Variants in CCDC9 observed in about 807,000 individuals in gnomAD.
CCDC9 encodes coiled-coil domain-containing protein 9.
In CCDC9, 52 loss-of-function variants were observed where a neutral mutation model predicts 65.6. The ratio of observed to expected loss-of-function variants is 0.79; its 90% CI spans 0.63 to 1.00. CCDC9 has a LOEUF of 1.00. Ranked by LOEUF, CCDC9 falls within the 50% of genes least tolerant of loss-of-function variation. The probability of loss-of-function intolerance (pLI) is 0.00; values close to 1 mark genes in which losing one functional copy is unlikely to be tolerated. For missense variants in CCDC9, 834 were observed against 757.2 expected (o/e 1.10, Z -1.19); for synonymous variants, 332 against 280.3 (o/e 1.18, Z -1.84).
intron 3 of CCDC9, among the ~76,000 whole-genome samples, chr19:47,259,233 A>G (rs1398124692): frequency 6.6e-6 from 1 of 152,122 alleles, no homozygotes; most frequent in Non-Finnish European, 1.5e-5. Flanking sequence ...GAGAGAATTG[A>G]CCTGGGCAGG....
rs185554506 is a variant in CCDC9 at position 47,271,689 on chromosome 19, C to G, written c.*11C>G. ...TTTGAGAGTGTATGAAGCTGGCTGCCTGTGTGTGTGTGTGTGTGTGTGTGT... is the reference window on the plus strand; with the variant it reads ...TTTGAGAGTGTATGAAGCTGGCTGCGTGTGTGTGTGTGTGTGTGTGTGTGT... On this transcript the variant is annotated 3_prime_UTR_variant, in exon 12 of 12. Transcript: ENST00000221922. 2.4e-3 allele frequency: 2,700 copies of G among 1,127,534 alleles called. 10 individuals carry two copies. Among genetic ancestry groups the G allele is most frequent in the African/African-American group, 5.8e-3 (341 of 58,844 alleles). The allele number at this position is 1,127,534 out of a possible 1,614,324, so 69.8% of individuals were successfully genotyped here. A position where few individuals can be genotyped will look rare whatever the true frequency, so the allele number is the denominator to read the frequency against.
Position 47,270,647 on chromosome 19 carries a change from G to C in CCDC9, c.1044G>C (p.Lys348Asn), listed in dbSNP as rs779744692. The change falls in exon 10 of 12, where the codon AAG (lysine) becomes AAC (asparagine). Residue 348 changes from lysine to asparagine, a missense_variant. By Grantham distance (94) the Lys-to-Asn change is moderately conservative. Transcript: ENST00000221922. ...AGGCCAGCAGCCGCAGAAGGAGAAAGAGCAGTCGGCCCCAGGCCAAGGCAG... is the reference window on the plus strand; with the variant it reads ...AGGCCAGCAGCCGCAGAAGGAGAAACAGCAGTCGGCCCCAGGCCAAGGCAG... ...KAEASSRRRRKSSRPQAKAAP... is the reference protein window; with the variant it reads ...KAEASSRRRRNSSRPQAKAAP... The C allele has an allele frequency of 1.2e-6, 2 of 1,612,556 alleles. No individual in the cohort carries two copies. The highest frequency in any genetic ancestry group is 1.7e-6 in the Non-Finnish European group (2 of 1,179,998).
At position 47,258,581 on chromosome 19, in the gene CCDC9, CAAAG is replaced by C. The variant is rs777386353; in HGVS notation, c.27_30del (p.Lys10ArgfsTer157). On this transcript the variant is annotated frameshift_variant, in exon 3 of 12. Transcript: ENST00000221922. LOFTEE classifies it high-confidence loss of function. ...CAGGCAGCCACACTCGATTTGAAAT[CAAAG>C]GAGGAGAAGGATGCTGAGTTGGACA... The C allele has an allele frequency of 1.9e-6, 3 of 1,614,038 alleles. No homozygotes were observed. Among genetic ancestry groups the C allele is most frequent in the Non-Finnish European group, 2.5e-6 (3 of 1,179,962 alleles).
rs2059126676 is a variant in CCDC9, at chr19:47,271,895, C to T, written c.*217C>T. The T allele has an allele frequency of 5.3e-6, 7 of 1,323,246 alleles. No homozygotes were observed. Among genetic ancestry groups the T allele is most frequent in the Admixed American group, 3.4e-5 (1 of 29,178 alleles). 82.0% of individuals were successfully genotyped at this position (1,323,246 alleles called of 1,614,324 possible). ...CATGCCCGTCTCTGGAATGTCCACT[C>T]CCAGAGCCTGCCCCAGCCCTTCGAG... On this transcript the variant is annotated 3_prime_UTR_variant, in exon 12 of 12. Coordinates refer to ENST00000221922, the MANE Select transcript of CCDC9 (RefSeq NM_015603.3).
Position 47,271,078 on chromosome 19 carries a change from C to G in CCDC9, c.1086-4C>G, listed in dbSNP as rs1348296106. ...GGCATCACCCCTCCCTCTGTTCCCT[C>G]TAGTGACCATGATGACCGCTGGGAG... On this transcript the variant is annotated splice_polypyrimidine_tract_variant and splice_region_variant and intron_variant, in intron 10 of 11. Coordinates refer to ENST00000221922, the MANE Select transcript of CCDC9 (RefSeq NM_015603.3). The G allele has an allele frequency of 6.5e-7, 1 of 1,544,922 alleles. No individual in the cohort carries two copies. The highest frequency in any genetic ancestry group is 1.2e-5 in the South Asian group (1 of 83,258).
intron 8 of CCDC9, among the ~76,000 whole-genome samples, chr19:47,267,023 G>A (rs1273992115): frequency 6.6e-6 from 1 of 151,542 alleles, no homozygotes; most frequent in Admixed American, 6.6e-5. Flanking sequence ...GGAGTGCAGT[G>A]GCGTGATCTC....
intron 10 of CCDC9, 100 bp downstream of exon 10, chr19:47,270,788 C>A: frequency 7.5e-7 from 1 of 1,333,414 alleles, no homozygotes; most frequent in Non-Finnish European, 1.0e-6. Flanking sequence ...CTGTCTGTCC[C>A]TGTCTTTGTC....
At chr19:47,275,188 C>G, downstream of CCDC9, 3 of 1,480,400 alleles carry the variant, frequency 2.0e-6, no homozygotes, top group Non-Finnish European at 2.7e-6. Flanking sequence ...GCGCCCGCCG[C>G]TGCCTCCCTC....
rs2059024864 is a variant in CCDC9 at position 47,258,408 on chromosome 19, G to A, written c.3+5G>A. On this transcript the variant is annotated splice_donor_5th_base_variant and intron_variant, in intron 2 of 11. Transcript: ENST00000221922. ...CTCCACGCAGCCAGCGAAATGGTGA[G>A]GCTGAAAAATGGGGTCTCTAGAATC... 4 of 1,613,978 alleles carry A rather than the reference G, an allele frequency of 2.5e-6. No homozygotes were observed. The highest frequency in any genetic ancestry group is 2.7e-5 in the African/African-American group (2 of 74,894).
At chr19:47,261,894 G>A (rs1445648336) in intron 5 of CCDC9, among the ~76,000 whole-genome samples, 1 of 146,246 alleles carries the variant, frequency 6.8e-6, no homozygotes, top group Non-Finnish European at 1.5e-5. Context: ...GGTGGCACAC[G>A]CCTGTAATCC....
chr19:47,258,076 G>C (rs1052358826), intron 1 of CCDC9: 3 of 445,334 alleles, frequency 6.7e-6, no homozygotes, highest in Admixed American at 4.0e-5. Flanking sequence ...GTGGGGGCCA[G>C]AACATCCCCA....
rs1227626008 is a variant in CCDC9 at position 47,256,567 on chromosome 19, C to A, written c.-114C>A. On this transcript the variant is annotated 5_prime_UTR_variant, in exon 1 of 12. Transcript: ENST00000221922. ...GCCCGGGAGCTGCGGTCGCAGAGGC[C>A]GACGGAGCCGGAGTCGCGGACGCCG... The A allele has an allele frequency of 6.6e-6, 1 of 152,460 alleles. No individual in the cohort carries two copies. Among genetic ancestry groups the A allele is most frequent in the Admixed American group, 6.5e-5 (1 of 15,274 alleles). The allele number at this position is 152,460 out of a possible 1,614,324, so 9.4% of individuals were successfully genotyped here.
rs988423771 is a variant in CCDC9 at position 47,264,870 on chromosome 19, A to G, written c.644A>G (p.Glu215Gly). The G allele has an allele frequency of 6.7e-7, 1 of 1,493,016 alleles. No homozygotes were observed. The highest frequency in any genetic ancestry group is 8.9e-7 in the Non-Finnish European group (1 of 1,123,374). The allele number at this position is 1,493,016 out of a possible 1,614,324, so 92.5% of individuals were successfully genotyped here. A position where few individuals can be genotyped will look rare whatever the true frequency, so the allele number is the denominator to read the frequency against. The change falls in exon 7 of 12, where the codon GAG (glutamate) becomes GGG (glycine). Residue 215 changes from glutamate to glycine, a missense_variant. Physicochemically the swap from Glu to Gly is moderately conservative, Grantham distance 98. Transcript: ENST00000221922. ...LEESERDRRE[E>G]SRRHGRNWGG... ...GAGTCTGAGCGGGACCGCCGGGAGG[A>G]GAGCCGCCGGCACGGCCGCAACTGG...
chr19:47,262,492 C>T (rs2059052572), intron 5 of CCDC9, among the ~76,000 whole-genome samples: 1 of 151,462 alleles, frequency 6.6e-6, no homozygotes, highest in African/African-American at 2.4e-5. Context: ...GCTGCGATGA[C>T]ATGTGTGAGC....
chr19:47,258,925 C>T (rs2059028419), intron 3 of CCDC9, among the ~76,000 whole-genome samples: 1 of 152,200 alleles, frequency 6.6e-6, no homozygotes, highest in African/African-American at 2.4e-5. Flanking sequence ...CCCAGGCCTG[C>T]CCCCTCCAGG....
chr19:47,266,939 C>T (rs2059086158), intron 8 of CCDC9, 147 bp downstream of exon 8: 2 of 936,456 alleles, frequency 2.1e-6, no homozygotes, highest in Admixed American at 5.9e-5. Context: ...GCTGCTGGAG[C>T]TCAGCGGCAC....
chr19:47,264,813 A>G lies in CCDC9; in HGVS notation c.587A>G (p.Asp196Gly). 1 of 1,573,738 alleles carries G rather than the reference A, an allele frequency of 6.4e-7. No homozygotes were observed. Among genetic ancestry groups the G allele is most frequent in the Non-Finnish European group, 8.6e-7 (1 of 1,157,742 alleles). Residue 196 changes from aspartate (D) to glycine (G), a missense_variant, in exon 7 of 12, where the codon GAC becomes GGC. Coordinates refer to ENST00000221922, the MANE Select transcript of CCDC9 (RefSeq NM_015603.3). ...LEPNPVRNFL[D>G]DPRRRSGPLE... is the part of the protein sequence containing the mutation. ...CCCAACCCAGTGCGGAACTTCCTGG[A>G]CGACCCCCGGCGACGCAGCGGGCCC...
rs372553632 is a variant in CCDC9, at chr19:47,268,751, A to C, written c.903-1656A>C. Among the ~76,000 whole-genome samples, 113 of 151,778 alleles carry C rather than the reference A, an allele frequency of 7.4e-4. 1 individual carries two copies. The highest frequency in any genetic ancestry group is 2.7e-3 in the African/African-American group (110 of 41,338). On this transcript the variant is annotated intron_variant, in intron 8 of 11. Transcript: ENST00000221922. ...GCTAACACGGTGAAACCCCGTCTCT[A>C]CTAAAAATACAAAAAATTAGCCGGG... is the stretch of plus-strand genomic sequence containing the variant.
At position 47,256,555 on chromosome 19, in the gene CCDC9, G is replaced by C. The variant is rs1415089909; in HGVS notation, c.-126G>C. ...GTGACGCGCCTGGCCCGGGAGCTGC[G>C]GTCGCAGAGGCCGACGGAGCCGGAG... On this transcript the variant is annotated 5_prime_UTR_variant, in exon 1 of 12. Coordinates refer to ENST00000221922, the MANE Select transcript of CCDC9 (RefSeq NM_015603.3). The C allele has an allele frequency of 6.6e-6, 1 of 152,484 alleles. No individual in the cohort carries two copies. The highest frequency in any genetic ancestry group is 6.5e-5 in the Admixed American group (1 of 15,276). 9.4% of individuals were successfully genotyped at this position (152,484 alleles called of 1,614,324 possible).
Sources: gnomAD v4.1 joint callset for allele counts (sites outside exome capture counted in the v4.1 genomes callset) on GRCh38, gnomAD v4.1.1 for gene constraint, MANE v1.5 for transcripts, NCBI Gene and HGNC (gene_info 2026-07-23, HGNC 2026-07-21) for gene names.